Variants in C6orf58 observed in about 807,000 individuals in gnomAD.
C6orf58 encodes the protein chromosome 6 open reading frame 58, also known as protein LEG1 homolog.
A neutral mutation model predicts 37.0 loss-of-function variants in C6orf58; 30 were observed. That is an observed-to-expected ratio of 0.81 (90% confidence interval 0.61 to 1.10). The LOEUF is 1.10. C6orf58 is among the 50% of genes least tolerant of loss of function. The pLI, the probability that C6orf58 is intolerant of heterozygous loss-of-function variation, is 0.00. For synonymous variants in C6orf58, 143 were observed against 134.1 expected, an observed-to-expected ratio of 1.07 and a Z score of -0.46; for missense variants, 368 against 387.5, an observed-to-expected ratio of 0.95 and a Z score of 0.42.
At chr6:127,580,563 G>C in intron 3 of C6orf58, 114 bp downstream of exon 3, 1 of 704,878 alleles carries the variant, frequency 1.4e-6, no homozygotes, top group South Asian at 1.9e-5. Context: ...GATGTAAATT[G>C]CTATGCATGA....
intron 1 of C6orf58, among the ~76,000 whole-genome samples, chr6:127,578,081 C>A (rs1417260141): frequency 6.6e-6 from 1 of 151,998 alleles, no homozygotes; most frequent in Non-Finnish European, 1.5e-5. Context: ...GTTGCCCACT[C>A]CCTGCTGATG....
intron 4 of C6orf58, among the ~76,000 whole-genome samples, chr6:127,583,168 A>C (rs1455695727): frequency 6.6e-6 from 1 of 152,228 alleles, no homozygotes; most frequent in African/African-American, 2.4e-5. Flanking sequence ...TGTTAGATTT[A>C]AACAGGCAAT....
At chr6:127,586,327 A>T (rs1398159665) in intron 4 of C6orf58, among the ~76,000 whole-genome samples, 2 of 151,780 alleles carry the variant, frequency 1.3e-5, no homozygotes, top group African/African-American at 4.8e-5. Flanking sequence ...TTTATGGGGC[A>T]AAAAGGAAAA....
At chr6:127,590,928 C>A (rs1269019444) in intron 5 of C6orf58, among the ~76,000 whole-genome samples, 1 of 151,902 alleles carries the variant, frequency 6.6e-6, no homozygotes, top group African/African-American at 2.4e-5. Flanking sequence ...AAATTTAAAA[C>A]GTTTTTCAAA....
chr6:127,589,166 A>G (rs1775135546), intron 4 of C6orf58, among the ~76,000 whole-genome samples: 1 of 152,224 alleles, frequency 6.6e-6, no homozygotes, highest in Admixed American at 6.5e-5. Flanking sequence ...ACTAGAGAAA[A>G]AAATCCTTCA....
At chr6:127,589,726 C>T (rs958508536) in intron 4 of C6orf58, among the ~76,000 whole-genome samples, 10 of 152,062 alleles carry the variant, frequency 6.6e-5, no homozygotes, top group African/African-American at 2.4e-4. Context: ...TTGAGTCTAG[C>T]AAAAATTTTG....
chr6:127,579,906 G>A lies in C6orf58; in HGVS notation c.389-359G>A, dbSNP rs187392775. Among the ~76,000 whole-genome samples, 305 of 151,980 alleles carry A rather than the reference G, an allele frequency of 2.0e-3. 1 individual carries two copies. The highest frequency in any genetic ancestry group is 6.8e-3 in the African/African-American group (282 of 41,480). ...TACAAGTACAATTCACAATAAAACC[G>A]TAATGAGAGGTTTTGTACCATTTTG... On this transcript the variant is annotated intron_variant, in intron 2 of 5. Transcript: ENST00000329722.
rs375648114 is a variant in C6orf58, at chr6:127,577,467, T to C, written c.282T>C (p.Tyr94=). 198 of 1,613,476 alleles carry C rather than the reference T, an allele frequency of 1.2e-4. 2 individuals are homozygous for C. Among genetic ancestry groups the C allele is most frequent in the South Asian group, 1.2e-3 (106 of 91,076 alleles). The change falls in exon 1 of 6, where the codon TAT becomes TAC. Residue 94 remains tyrosine, a synonymous_variant. Transcript: ENST00000329722. ...TTTTATGGGGGTTGCCTCTGCAGTATGGCTGGCAATATAGGACAGGTAAGA... is the reference window on the plus strand; with the variant it reads ...TTTTATGGGGGTTGCCTCTGCAGTACGGCTGGCAATATAGGACAGGTAAGA... ...QNILWGLPLQ[Y]GWQYRTGRLA...
intron 4 of C6orf58, 102 bp from the exon 5 acceptor site, chr6:127,589,985 T>C: frequency 4.0e-6 from 3 of 744,178 alleles, no homozygotes; most frequent in Non-Finnish European, 6.7e-6. Flanking sequence ...TATAAAATTA[T>C]GAATTTAGTT....
In C6orf58 at chr6:127,590,175, A is replaced by G; in HGVS notation, c.763A>G (p.Thr255Ala). 1 of 1,613,776 alleles carries G rather than the reference A, an allele frequency of 6.2e-7. No individual in the cohort carries two copies. The highest frequency in any genetic ancestry group is 8.5e-7 in the Non-Finnish European group (1 of 1,179,820). The change falls in exon 5 of 6, where the codon ACC becomes GCC. Residue 255 changes from threonine to alanine, a missense_variant. Physicochemically the swap from Thr to Ala is moderately conservative, Grantham distance 58. Coordinates refer to ENST00000329722, the MANE Select transcript of C6orf58 (RefSeq NM_001010905.3). ...DHLAAVLFPT[T>A]LIRSYKFQKG... ...TTTAGCTGCAGTCCTCTTTCCTACA[A>G]CCTTGATTAGATCATATAAGTTCCA...
chr6:127,587,470 A>AAC (rs147366704), intron 4 of C6orf58, among the ~76,000 whole-genome samples: 2,650 of 152,252 alleles, frequency 0.017, 76 homozygotes, highest in African/African-American at 0.058. Flanking sequence ...CAAAAGGTAA[A>AAC]TCTTTTAATA....
intron 2 of C6orf58, among the ~76,000 whole-genome samples, chr6:127,579,066 T>A (rs1282312609): frequency 1.3e-5 from 2 of 152,036 alleles, no homozygotes; most frequent in African/African-American, 4.8e-5. Context: ...GAGGTCCAAC[T>A]GATGACAAAG....
chr6:127,581,616 A>G (rs780119965), intron 4 of C6orf58, among the ~76,000 whole-genome samples: 3 of 152,150 alleles, frequency 2.0e-5, no homozygotes, highest in African/African-American at 4.8e-5. Context: ...ACACTGTTAC[A>G]AGAAAAACTA....
chr6:127,591,328 A>C (rs918085997), intron 5 of C6orf58, among the ~76,000 whole-genome samples: 13 of 152,160 alleles, frequency 8.5e-5, no homozygotes, highest in African/African-American at 2.9e-4. Context: ...TCATAGAAAG[A>C]ACGTGAAGTA....
chr6:127,590,353 A>G, intron 5 of C6orf58, 28 bp downstream of exon 5: 1 of 1,342,918 alleles, frequency 7.4e-7, no homozygotes, highest in Non-Finnish European at 1.1e-6. Context: ...ATACTTTTAA[A>G]AATCAGTATT....
At chr6:127,583,154 C>T (rs569165342) in intron 4 of C6orf58, among the ~76,000 whole-genome samples, 2 of 152,196 alleles carry the variant, frequency 1.3e-5, no homozygotes, top group African/African-American at 4.8e-5. Flanking sequence ...TAGGTTTTGC[C>T]TACTGTTAGA....
In C6orf58 at chr6:127,586,500, G is replaced by A. The variant is rs1225913006; in HGVS notation, c.675-3587G>A. 2.0e-5 allele frequency among the ~76,000 whole-genome samples: 3 copies of A among 152,178 alleles called. 1 individual carries two copies. In the South Asian group the frequency reaches 6.2e-4, roughly 31 times the overall value. On this transcript the variant is annotated intron_variant, in intron 4 of 5. Transcript: ENST00000329722. ...CCCCATGCTGCCAGTGAGCATGCGG[G>A]CATGCTCAGACAAGGCCCTGGGCAT...
intron 4 of C6orf58, among the ~76,000 whole-genome samples, chr6:127,583,977 C>T (rs1169607271): frequency 6.6e-6 from 1 of 152,156 alleles, no homozygotes; most frequent in Non-Finnish European, 1.5e-5. Context: ...GGACCTTTGA[C>T]CAATGCAATC....
intron 4 of C6orf58, among the ~76,000 whole-genome samples, chr6:127,585,794 C>T (rs1300213939): frequency 6.6e-6 from 1 of 152,044 alleles, no homozygotes; most frequent in African/African-American, 2.4e-5. Flanking sequence ...AATTTTTTTT[C>T]ACAAGATTTA....
Sources: allele counts gnomAD v4.1 joint callset (sites outside exome capture counted in the v4.1 genomes callset), GRCh38; gene constraint gnomAD v4.1.1; transcripts MANE v1.5; gene names NCBI Gene and HGNC (gene_info 2026-07-23, HGNC 2026-07-21).